AP3B1: variants seen among roughly 807,000 people sequenced by gnomAD.
The protein encoded by AP3B1 is adaptor related protein complex 3 subunit beta 1, also known as AP-3 complex subunit beta-1.
Under a neutral mutation model 132.5 loss-of-function variants are expected in AP3B1, and 61 were observed. The ratio of observed to expected loss-of-function variants is 0.46; its 90% CI spans 0.37 to 0.57. AP3B1 has a LOEUF of 0.57. Among genes scored for constraint, AP3B1 ranks in the 20% least tolerant of loss-of-function variants. The pLI is 0.00. For synonymous variants in AP3B1, 388 were observed against 438.3 expected, an observed-to-expected ratio of 0.89 and a Z score of 1.43; for missense variants, 1,120 against 1,289.4, an observed-to-expected ratio of 0.87 and a Z score of 2.01.
intron 21 of AP3B1, among the ~76,000 whole-genome samples, chr5:78,092,954 A>T (rs1436564509): frequency 6.6e-6 from 1 of 152,180 alleles, no homozygotes; most frequent in Non-Finnish European, 1.5e-5. Context: ...CAAGCCTAAA[A>T]GGCAATTTTG....
chr5:78,151,443 G>A (rs1753645100), intron 14 of AP3B1, among the ~76,000 whole-genome samples: 2 of 152,170 alleles, frequency 1.3e-5, no homozygotes, highest in South Asian at 2.1e-4. Context: ...TTCAGAGCTT[G>A]GATGAAAGGC....
At position 78,039,123 on chromosome 5, in the gene AP3B1, G is replaced by A. The variant is rs1245105235; in HGVS notation, c.2729C>T (p.Thr910Ile). 15 of 1,613,552 alleles carry A rather than the reference G, an allele frequency of 9.3e-6. No homozygotes were observed. Among genetic ancestry groups the A allele is most frequent in the Non-Finnish European group, 1.2e-5 (14 of 1,179,636 alleles). The change falls in exon 23 of 27, where the codon ACT becomes ATT. Residue 910 changes from threonine (T) to isoleucine (I), a missense_variant. Thr to Ile is a moderately conservative substitution (Grantham distance 89, BLOSUM62 -1). This residue lies in a region of AP3B1 where 906 missense variants were observed against 997.1 expected (regional missense o/e 0.91). Transcript: ENST00000255194. Reference protein sequence around the residue: ...VSIQITLNNTTDRKIENIHIG... With the variant: ...VSIQITLNNTIDRKIENIHIG... ...GTGGATATTTTCTATCTTTCGATCA[G>A]TAGTGTTATTCAGTGTTATTTGTAT...
rs1444996547 is a variant in AP3B1 at position 78,097,543 on chromosome 5, G to A, written c.2470+3410C>T. On this transcript the variant is annotated intron_variant, in intron 21 of 26. Coordinates refer to ENST00000255194, the MANE Select transcript of AP3B1 (RefSeq NM_003664.5). ...AGCCCCCCGCCCGGCCAGCCGCCCC[G>A]TCCGGGAGGGAGGTAGGGGGTCAGC... 1.3e-3 allele frequency among the ~76,000 whole-genome samples: 152 copies of A among 112,970 alleles called. 7 individuals are homozygous for A. Among genetic ancestry groups the A allele is most frequent in the Non-Finnish European group, 2.1e-3 (112 of 53,794 alleles). The allele number at this position is 112,970 out of a possible 152,430, so 74.1% of individuals were successfully genotyped here. A position where few individuals can be genotyped will look rare whatever the true frequency, so the allele number is the denominator to read the frequency against.
chr5:78,124,151 G>C (rs142140476), intron 17 of AP3B1, among the ~76,000 whole-genome samples: 26,108 of 152,002 alleles, frequency 0.17, 2,851 homozygotes, highest in Admixed American at 0.28. Flanking sequence ...TGAACAATGA[G>C]AACACATGGA....
At chr5:78,273,050 C>T (rs1393070912) in intron 1 of AP3B1, among the ~76,000 whole-genome samples, 1 of 151,992 alleles carries the variant, frequency 6.6e-6, no homozygotes, top group African/African-American at 2.4e-5. Flanking sequence ...TATACATATA[C>T]ACACACACAA....
chr5:78,240,816 C>G (rs548770056), intron 3 of AP3B1, 46 bp downstream of exon 3: 1 of 1,306,568 alleles, frequency 7.7e-7, no homozygotes, highest in East Asian at 2.3e-5. Flanking sequence ...GTGTACGGTC[C>G]CATGAAAACA....
At chr5:78,267,273 C>T (rs1435390077) in intron 2 of AP3B1, among the ~76,000 whole-genome samples, 1 of 151,842 alleles carries the variant, frequency 6.6e-6, no homozygotes, top group Non-Finnish European at 1.5e-5. Context: ...AGTAGAAATA[C>T]CTTGAAATTA....
At chr5:78,061,334 G>T (rs1236843523) in intron 22 of AP3B1, among the ~76,000 whole-genome samples, 1 of 152,138 alleles carries the variant, frequency 6.6e-6, no homozygotes, top group Non-Finnish European at 1.5e-5. Context: ...TATTCCCTGA[G>T]CATTTAAAAC....
intron 1 of AP3B1, among the ~76,000 whole-genome samples, chr5:78,282,621 T>A (rs1013371634): frequency 1.3e-5 from 2 of 152,202 alleles, no homozygotes; most frequent in Non-Finnish European, 2.9e-5. Flanking sequence ...AAACTGAAGT[T>A]TGATGAAAAT....
chr5:78,225,509 T>G, intron 6 of AP3B1, 33 bp downstream of exon 6: 1 of 1,239,110 alleles, frequency 8.1e-7, no homozygotes, highest in Non-Finnish European at 1.2e-6. Flanking sequence ...AAAGTACATT[T>G]TTATGTCAAA....
intron 22 of AP3B1, among the ~76,000 whole-genome samples, chr5:78,075,509 G>A (rs556199795): frequency 4.6e-5 from 7 of 152,262 alleles, no homozygotes; most frequent in Non-Finnish European, 8.8e-5. Flanking sequence ...CCTAACTCAC[G>A]GAAGAGTTGT....
intron 18 of AP3B1, 125 bp downstream of exon 18, chr5:78,116,001 T>A: frequency 1.4e-6 from 1 of 737,950 alleles, no homozygotes; most frequent in South Asian, 1.5e-5. Context: ...ATGAAAGGGA[T>A]TATTTTGATA....
At chr5:78,250,950 G>C (rs775831367) in intron 2 of AP3B1, among the ~76,000 whole-genome samples, 1 of 152,152 alleles carries the variant, frequency 6.6e-6, no homozygotes, top group Non-Finnish European at 1.5e-5. Flanking sequence ...AGGTCAATTT[G>C]ACAGGGGAGA....
At chr5:78,126,504 CA>C (rs70997969) in intron 17 of AP3B1, among the ~76,000 whole-genome samples, 231 of 62,336 alleles carry the variant, frequency 3.7e-3, no homozygotes, top group East Asian at 0.026. Flanking sequence ...GACTCTGTCT[CA>C]AAAAAAAAAA....
At chr5:78,050,223 T>A (rs536439543) in intron 22 of AP3B1, among the ~76,000 whole-genome samples, 2 of 152,264 alleles carry the variant, frequency 1.3e-5, no homozygotes, top group East Asian at 3.9e-4. Context: ...CATCCCTCCC[T>A]TCTGATTTCC....
At chr5:78,153,129 T>C (rs1306648795) in intron 14 of AP3B1, among the ~76,000 whole-genome samples, 4 of 152,216 alleles carry the variant, frequency 2.6e-5, no homozygotes, top group Non-Finnish European at 4.4e-5. Flanking sequence ...ATGCTGAAAG[T>C]GGAGTGTTGA....
intron 1 of AP3B1, among the ~76,000 whole-genome samples, chr5:78,267,814 T>G (rs1748389994): frequency 6.6e-6 from 1 of 152,190 alleles, no homozygotes; most frequent in Non-Finnish European, 1.5e-5. Flanking sequence ...GTGAAAAAAT[T>G]AATTTCTGCT....
chr5:78,113,662 T>A (rs1751691954), intron 19 of AP3B1, 90 bp downstream of exon 19: 2 of 1,438,302 alleles, frequency 1.4e-6, no homozygotes, highest in Non-Finnish European at 1.9e-6. Flanking sequence ...TTTTTTTCTC[T>A]CACCATTTTT....
intron 1 of AP3B1, among the ~76,000 whole-genome samples, chr5:78,284,174 G>A (rs570087677): frequency 3.7e-4 from 57 of 152,216 alleles, no homozygotes; most frequent in African/African-American, 1.3e-3. Flanking sequence ...CTAGAGTGGT[G>A]GAGAAATTAA....
Sources: allele counts gnomAD v4.1 joint callset (sites outside exome capture counted in the v4.1 genomes callset), GRCh38; gene constraint gnomAD v4.1.1; regional missense constraint gnomAD v4.1.1; transcripts MANE v1.5; gene names NCBI Gene and HGNC (gene_info 2026-07-23, HGNC 2026-07-21).